ADAMTSL1: variants seen among roughly 807,000 people sequenced by gnomAD.
ADAMTSL1 encodes the protein ADAMTS like 1.
A neutral mutation model predicts 201.8 loss-of-function variants in ADAMTSL1; 126 were observed. That is an observed-to-expected ratio of 0.62 (90% CI 0.54 to 0.72). The LOEUF (loss-of-function observed/expected upper bound fraction) is 0.72, where lower values mean the gene tolerates loss of function less well. Among genes scored for constraint, ADAMTSL1 ranks in the 30% least tolerant of loss-of-function variants. ADAMTSL1 has a pLI of 0.00. For missense variants in ADAMTSL1, 2,679 were observed against 2,277.8 expected (o/e 1.18, Z -3.59); for synonymous variants, 1,121 against 903.4 (o/e 1.24, Z -4.32).
At chr9:18,712,248 G>C (rs906043477) in intron 14 of ADAMTSL1, among the ~76,000 whole-genome samples, 2 of 152,256 alleles carry the variant, frequency 1.3e-5, no homozygotes, top group Admixed American at 1.3e-4. Context: ...GCTGGACGGA[G>C]AATGACTTTG....
At chr9:18,831,612 C>G (rs1156531892) in intron 23 of ADAMTSL1, among the ~76,000 whole-genome samples, 1 of 152,208 alleles carries the variant, frequency 6.6e-6, no homozygotes, top group Non-Finnish European at 1.5e-5. Flanking sequence ...TTGCCACATT[C>G]CATTGCTAGT....
chr9:18,139,810 C>G (rs749522671), intron 1 of ADAMTSL1, among the ~76,000 whole-genome samples: 12 of 151,956 alleles, frequency 7.9e-5, no homozygotes, highest in Non-Finnish European at 1.5e-4. Flanking sequence ...TAGAAAATTT[C>G]AAATATATAT....
intron 1 of ADAMTSL1, among the ~76,000 whole-genome samples, chr9:18,056,409 C>T (rs931017667): frequency 1.3e-5 from 2 of 152,038 alleles, no homozygotes; most frequent in East Asian, 1.9e-4. Flanking sequence ...ATGGCTCAAC[C>T]GGGGCTCTGC....
chr9:18,148,576 TAATA>T (rs1283486664), intron 1 of ADAMTSL1, among the ~76,000 whole-genome samples: 1 of 152,046 alleles, frequency 6.6e-6, no homozygotes, highest in Non-Finnish European at 1.5e-5. Context: ...AACTTACCTA[TAATA>T]AATAAAGAAT....
At chr9:18,072,036 C>T (rs1243588844) in intron 1 of ADAMTSL1, among the ~76,000 whole-genome samples, 4 of 152,130 alleles carry the variant, frequency 2.6e-5, no homozygotes, top group African/African-American at 4.8e-5. Context: ...CTGTCCCTGG[C>T]AACTGTTAGA....
intron 2 of ADAMTSL1, among the ~76,000 whole-genome samples, chr9:18,220,527 T>C (rs561499809): frequency 2.7e-4 from 41 of 152,330 alleles, no homozygotes; most frequent in Non-Finnish European, 5.1e-4. Context: ...CTAAACACCA[T>C]ATTGGATTTT....
intron 2 of ADAMTSL1, among the ~76,000 whole-genome samples, chr9:18,521,436 C>T (rs1025629469): frequency 2.6e-5 from 4 of 151,514 alleles, no homozygotes; most frequent in Admixed American, 2.0e-4. Flanking sequence ...CATACACCTA[C>T]TAGATACCCA....
At chr9:18,401,503 G>C (rs903945330) in intron 2 of ADAMTSL1, among the ~76,000 whole-genome samples, 1 of 152,204 alleles carries the variant, frequency 6.6e-6, no homozygotes, top group Admixed American at 6.5e-5. Context: ...AGCTGGGAGA[G>C]AGTAGAGGGA....
chr9:18,150,281 C>G (rs1401061478), intron 1 of ADAMTSL1, among the ~76,000 whole-genome samples: 1 of 151,900 alleles, frequency 6.6e-6, no homozygotes, highest in Non-Finnish European at 1.5e-5. Flanking sequence ...AGGGGAATAC[C>G]AAACTATGGG....
intron 3 of ADAMTSL1, among the ~76,000 whole-genome samples, chr9:18,547,740 A>G (rs1416663882): frequency 6.6e-6 from 1 of 151,764 alleles, no homozygotes; most frequent in Non-Finnish European, 1.5e-5. Context: ...ATACCATATC[A>G]TGAACTGAAA....
intron 1 of ADAMTSL1, among the ~76,000 whole-genome samples, chr9:18,029,070 A>G (rs1490855594): frequency 5.3e-5 from 8 of 152,030 alleles, no homozygotes; most frequent in South Asian, 4.2e-4. Flanking sequence ...TTTGTCTGTT[A>G]TTGGTGTATA....
chr9:17,980,865 A>G (rs987689013), intron 1 of ADAMTSL1, among the ~76,000 whole-genome samples: 12 of 152,142 alleles, frequency 7.9e-5, no homozygotes, highest in African/African-American at 2.9e-4. Flanking sequence ...TGCTTCTGAT[A>G]GGGGCTTCAG....
At chr9:18,853,830 A>G (rs962665157) in intron 23 of ADAMTSL1, among the ~76,000 whole-genome samples, 3 of 152,020 alleles carry the variant, frequency 2.0e-5, no homozygotes, top group Admixed American at 6.6e-5. Context: ...CCAAGCAAAG[A>G]GATAAGTTCC....
At chr9:18,473,183 G>A (rs2131756141), upstream of ADAMTSL1, among the ~76,000 whole-genome samples, 1 of 152,342 alleles carries the variant, frequency 6.6e-6, no homozygotes, top group East Asian at 1.9e-4. Flanking sequence ...CTCTGATAAA[G>A]GACGTGGGTG....
chr9:18,334,749 C>A (rs988073497), intron 2 of ADAMTSL1, among the ~76,000 whole-genome samples: 1 of 152,028 alleles, frequency 6.6e-6, no homozygotes, highest in East Asian at 1.9e-4. Flanking sequence ...CAACAGAAAC[C>A]AAATAGAATA....
chr9:18,099,399 G>C (rs1157268902), intron 1 of ADAMTSL1, among the ~76,000 whole-genome samples: 1 of 121,806 alleles, frequency 8.2e-6, no homozygotes, highest in African/African-American at 3.1e-5. Flanking sequence ...ACTAGGCTAT[G>C]CTTTGGTTTT....
At chr9:18,803,817 T>C (rs777158950) in intron 20 of ADAMTSL1, among the ~76,000 whole-genome samples, 1 of 152,222 alleles carries the variant, frequency 6.6e-6, no homozygotes, top group Non-Finnish European at 1.5e-5. Context: ...CTATATTATC[T>C]GCTCATATAT....
chr9:17,961,734 A>G (rs1414754340), intron 1 of ADAMTSL1, among the ~76,000 whole-genome samples: 1 of 152,092 alleles, frequency 6.6e-6, no homozygotes, highest in Non-Finnish European at 1.5e-5. Flanking sequence ...AAATGAGCCC[A>G]CTCTGGGGAC....
chr9:18,869,704 T>C (rs900038649), intron 23 of ADAMTSL1, among the ~76,000 whole-genome samples: 3 of 152,240 alleles, frequency 2.0e-5, no homozygotes, highest in African/African-American at 7.2e-5. Flanking sequence ...CATTGTTTCC[T>C]TACATGTAGT....
Sources: gnomAD v4.1 joint callset for allele counts (sites outside exome capture counted in the v4.1 genomes callset) on GRCh38, gnomAD v4.1.1 for gene constraint, MANE v1.5 for transcripts, NCBI Gene and HGNC (gene_info 2026-07-23, HGNC 2026-07-21) for gene names.